The following ACCSL variants were observed in gnomAD, a reference collection of about 807,000 sequenced individuals.
ACCSL encodes 1-aminocyclopropane-1-carboxylate synthase homolog (inactive) like, also known as probable inactive 1-aminocyclopropane-1-carboxylate synthase-like protein 2.
Under a neutral mutation model 61.7 loss-of-function variants are expected in ACCSL, and 55 were observed. The ratio of observed to expected loss-of-function variants is 0.89; its 90% CI spans 0.72 to 1.12. The LOEUF is 1.12. Ranked by LOEUF, ACCSL falls within the 50% of genes most tolerant of loss-of-function variation. The probability of loss-of-function intolerance (pLI) is 0.00; values close to 1 mark genes in which losing one functional copy is unlikely to be tolerated. For synonymous variants in ACCSL, 258 were observed against 264.3 expected, an observed-to-expected ratio of 0.98 and a Z score of 0.23; for missense variants, 632 against 698.0, an observed-to-expected ratio of 0.91 and a Z score of 1.07.
the ACCSL span, among the ~76,000 whole-genome samples, chr11:43,979,400 C>T: frequency 3.0e-3 from 454 of 152,198 alleles, 1 homozygote; most frequent in African/African-American, 0.01. Flanking sequence ...GCCATAGTGG[C>T]ATTTGCATGG....
At chr11:43,965,463 A>G in the ACCSL span, among the ~76,000 whole-genome samples, 1 of 152,248 alleles carries the variant, frequency 6.6e-6, no homozygotes, top group Admixed American at 6.5e-5. Flanking sequence ...ACACCTGAGT[A>G]AATGGAACTA....
chr11:44,058,282 A>G, intron 11 of ACCSL, 35 bp from the exon 12 acceptor site: 7 of 1,609,994 alleles, frequency 4.3e-6, no homozygotes, highest in Non-Finnish European at 5.9e-6. Context: ...TTCTGTAGTA[A>G]TATCTGTGAC....
At chr11:44,049,935 A>G (rs556289609) in intron 1 of ACCSL, 127 bp from the exon 2 acceptor site, 4 of 1,298,310 alleles carry the variant, frequency 3.1e-6, no homozygotes, top group East Asian at 2.4e-5. Flanking sequence ...CCTAACGTGT[A>G]AAGTTGTCAA....
the ACCSL span, among the ~76,000 whole-genome samples, chr11:43,926,936 A>G: frequency 1.1e-3 from 164 of 152,264 alleles, 2 homozygotes; most frequent in African/African-American, 3.8e-3. Flanking sequence ...TTTGTTGTAG[A>G]CGGTCTTGCC....
the ACCSL span, among the ~76,000 whole-genome samples, chr11:44,035,936 TA>T: frequency 0.025 from 1,977 of 79,018 alleles, 39 homozygotes; most frequent in African/African-American, 0.079. Context: ...AGACTCTGTG[TA>T]AAAAAAAAAA....
At chr11:44,016,360 G>A in the ACCSL span, among the ~76,000 whole-genome samples, 1 of 152,152 alleles carries the variant, frequency 6.6e-6, no homozygotes, top group Non-Finnish European at 1.5e-5. Flanking sequence ...CAGCAACGGA[G>A]GTCCCTTGGG....
chr11:44,000,006 C>G, the ACCSL span, among the ~76,000 whole-genome samples: 199 of 152,302 alleles, frequency 1.3e-3, 2 homozygotes, highest in African/African-American at 4.7e-3. Context: ...GGGCCAAGCA[C>G]GGTGTATCAT....
chr11:43,985,126 C>T, the ACCSL span, among the ~76,000 whole-genome samples: 2 of 152,310 alleles, frequency 1.3e-5, no homozygotes, highest in East Asian at 1.9e-4. Context: ...CCTGGCTGCA[C>T]CAGTACCTGG....
At chr11:43,991,298 C>A in the ACCSL span, among the ~76,000 whole-genome samples, 1 of 152,230 alleles carries the variant, frequency 6.6e-6, no homozygotes, top group African/African-American at 2.4e-5. Context: ...TCTCTTGCAG[C>A]CTCCATTTTG....
At chr11:43,993,597 C>G in the ACCSL span, among the ~76,000 whole-genome samples, 3 of 152,206 alleles carry the variant, frequency 2.0e-5, no homozygotes, top group African/African-American at 7.2e-5. Context: ...CCCAACACTT[C>G]CAGCCATTGG....
chr11:44,054,568 T>C (rs924273566), intron 8 of ACCSL, among the ~76,000 whole-genome samples: 1 of 152,074 alleles, frequency 6.6e-6, no homozygotes, highest in Non-Finnish European at 1.5e-5. Flanking sequence ...GCAATTCTCC[T>C]GCCTCAGCCT....
the ACCSL span, among the ~76,000 whole-genome samples, chr11:44,008,349 C>T: frequency 2.6e-5 from 4 of 152,184 alleles, no homozygotes; most frequent in African/African-American, 9.7e-5. Flanking sequence ...CTGTGGGCAG[C>T]GTGGTCCGGG....
At chr11:43,976,009 A>T in the ACCSL span, among the ~76,000 whole-genome samples, 1 of 152,160 alleles carries the variant, frequency 6.6e-6, no homozygotes, top group Non-Finnish European at 1.5e-5. Context: ...TTGTTATTCT[A>T]TGCCTGTCCC....
chr11:43,994,802 T>A, the ACCSL span, among the ~76,000 whole-genome samples: 1 of 142,784 alleles, frequency 7.0e-6, no homozygotes, highest in African/African-American at 2.5e-5. Flanking sequence ...CCTGGCTAAT[T>A]TTTTTTTGTA....
chr11:43,959,794 G>C, the ACCSL span, among the ~76,000 whole-genome samples: 1 of 152,142 alleles, frequency 6.6e-6, no homozygotes, highest in Admixed American at 6.5e-5. Context: ...GCATGAATGG[G>C]GAAACAGAGG....
At chr11:44,035,603 C>G in the ACCSL span, among the ~76,000 whole-genome samples, 1 of 152,044 alleles carries the variant, frequency 6.6e-6, no homozygotes, top group Non-Finnish European at 1.5e-5. Flanking sequence ...GGTCTGAGTG[C>G]TAAGGCCAGA....
chr11:44,044,244 C>T (rs1296755943), upstream of ACCSL, among the ~76,000 whole-genome samples: 1 of 152,152 alleles, frequency 6.6e-6, no homozygotes, highest in Non-Finnish European at 1.5e-5. Flanking sequence ...CACTCTGCTT[C>T]CTAGGGCTAA....
At chr11:44,045,700 T>G (rs1054823294), upstream of ACCSL, among the ~76,000 whole-genome samples, 5 of 152,092 alleles carry the variant, frequency 3.3e-5, no homozygotes. Context: ...GGCAGACTAG[T>G]GGGACTTTGG....
At chr11:43,922,632 C>A in the ACCSL span, among the ~76,000 whole-genome samples, 1 of 152,246 alleles carries the variant, frequency 6.6e-6, no homozygotes, top group African/African-American at 2.4e-5. Context: ...TAGACAAATT[C>A]TCAGCCAACT....
Sources: gnomAD v4.1 joint callset for allele counts (sites outside exome capture counted in the v4.1 genomes callset) on GRCh38, gnomAD v4.1.1 for gene constraint, MANE v1.5 for transcripts, NCBI Gene and HGNC (gene_info 2026-07-23, HGNC 2026-07-21) for gene names.